Variants in ZNF396 observed in about 807,000 individuals in gnomAD.
ZNF396 encodes zinc finger and SCAN domain-containing protein 14.
A neutral mutation model predicts 20.5 loss-of-function variants in ZNF396; 14 were observed. The observed-to-expected ratio is 0.68, with a 90% CI of 0.45 to 1.07. The LOEUF is 1.07. Among genes scored for constraint, ZNF396 ranks in the 50% least tolerant of loss-of-function variants. The probability of loss-of-function intolerance (pLI) is 0.00; values close to 1 mark genes in which losing one functional copy is unlikely to be tolerated. For missense variants in ZNF396, 347 were observed against 390.1 expected (o/e 0.89, Z 0.93); for synonymous variants, 119 against 140.6 (o/e 0.85, Z 1.08).
chr18:35,373,685 G>C, intron 2 of ZNF396, 85 bp from the exon 3 acceptor site: 1 of 1,547,522 alleles, frequency 6.5e-7, no homozygotes, highest in Admixed American at 1.9e-5. Flanking sequence ...TATGCAAAAA[G>C]TATCATGGAC....
At position 35,368,649 on chromosome 18, in the gene ZNF396, G is replaced by A. The variant is rs1156930141; in HGVS notation, c.*566C>T. On this transcript the variant is annotated 3_prime_UTR_variant, in exon 4 of 4. Coordinates refer to ENST00000589332, the MANE Select transcript of ZNF396 (RefSeq NM_001322286.2). ...TGAATTTTAGTAGAGACGGGGTTTC[G>A]CCGTGTTGTCCAGGCTGGTCTTGAA... 12 of 663,942 alleles carry A rather than the reference G, an allele frequency of 1.8e-5. No homozygotes were observed. Among genetic ancestry groups the A allele is most frequent in the Admixed American group, 6.1e-5 (1 of 16,272 alleles). 41.1% of individuals were successfully genotyped at this position (663,942 alleles called of 1,614,324 possible).
intron 3 of ZNF396, among the ~76,000 whole-genome samples, chr18:35,370,811 C>T (rs1334826243): frequency 1.3e-5 from 2 of 152,164 alleles, no homozygotes; most frequent in Non-Finnish European, 2.9e-5. Context: ...CCGCGCCCGG[C>T]CCATGGTGGC....
Position 35,368,268 on chromosome 18 carries a change from A to T in ZNF396, c.*947T>A. The T allele has an allele frequency of 1.4e-6, 1 of 727,830 alleles. No homozygotes were observed. Among genetic ancestry groups the T allele is most frequent in the Non-Finnish European group, 2.1e-6 (1 of 483,094 alleles). 45.1% of individuals were successfully genotyped at this position (727,830 alleles called of 1,614,324 possible). A position where few individuals can be genotyped will look rare whatever the true frequency, so the allele number is the denominator to read the frequency against. ...ATTTCCAAATTACATTGCAAAGGAG[A>T]TTATTTTTTTCCAACACGGGAAATT... On this transcript the variant is annotated 3_prime_UTR_variant, in exon 4 of 4. Coordinates refer to ENST00000589332, the MANE Select transcript of ZNF396 (RefSeq NM_001322286.2).
At chr18:35,373,419 C>G (rs780305436) in intron 3 of ZNF396, 37 bp downstream of exon 3, 5 of 1,602,460 alleles carry the variant, frequency 3.1e-6, no homozygotes, top group Admixed American at 3.4e-5. Flanking sequence ...AGAGGGCCCC[C>G]ACACCTTCCA....
chr18:35,368,601 G>T lies in ZNF396; in HGVS notation c.*614C>A. The T allele has an allele frequency of 2.1e-6, 1 of 482,828 alleles. No homozygotes were observed. The highest frequency in any genetic ancestry group is 2.8e-6 in the Non-Finnish European group (1 of 361,508). 29.9% of individuals were successfully genotyped at this position (482,828 alleles called of 1,614,324 possible). Reference sequence around the variant, plus strand: ...CTAGTAGCTGGGATTACAGGTACACGTTGCCATGCCTGGCTAATTTTTTGA... The same window carrying T: ...CTAGTAGCTGGGATTACAGGTACACTTTGCCATGCCTGGCTAATTTTTTGA... On this transcript the variant is annotated 3_prime_UTR_variant, in exon 4 of 4. Transcript: ENST00000589332.
Position 35,368,482 on chromosome 18 carries a change from T to TTA in ZNF396, c.*732_*733insTA, listed in dbSNP as rs1555630343. ...AGACAAAATAGGAATTTATTTTTATTTTTATTTATTTATTTATTTATTTAT... is the reference window on the plus strand; with the variant it reads ...AGACAAAATAGGAATTTATTTTTATTTATTTATTTATTTATTTATTTATTTAT... On this transcript the variant is annotated 3_prime_UTR_variant, in exon 4 of 4. Transcript: ENST00000589332. 1 of 338,394 alleles carries TTA rather than the reference T, an allele frequency of 3.0e-6. No homozygotes were observed. 21.0% of individuals were successfully genotyped at this position (338,394 alleles called of 1,614,324 possible).
At position 35,368,698 on chromosome 18, in the gene ZNF396, T is replaced by C. The variant is rs1364125926; in HGVS notation, c.*517A>G. 17 of 952,552 alleles carry C rather than the reference T, an allele frequency of 1.8e-5. No homozygotes were observed. The highest frequency in any genetic ancestry group is 2.1e-5 in the Non-Finnish European group (17 of 799,606). The allele number at this position is 952,552 out of a possible 1,614,324, so 59.0% of individuals were successfully genotyped here. A position where few individuals can be genotyped will look rare whatever the true frequency, so the allele number is the denominator to read the frequency against. Reference sequence around the variant, plus strand: ...AACTCCTGAGTTCAGGCAATCTGCCTGCCTCGGCCTCCCAAAGTGCTAGGA... The same window carrying C: ...AACTCCTGAGTTCAGGCAATCTGCCCGCCTCGGCCTCCCAAAGTGCTAGGA... On this transcript the variant is annotated 3_prime_UTR_variant, in exon 4 of 4. Coordinates refer to ENST00000589332, the MANE Select transcript of ZNF396 (RefSeq NM_001322286.2).
chr18:35,369,736 T>C (rs1311264859), intron 3 of ZNF396, 76 bp from the exon 4 acceptor site: 2 of 1,392,410 alleles, frequency 1.4e-6, no homozygotes, highest in Non-Finnish European at 1.9e-6. Flanking sequence ...ATTGCTAGCA[T>C]GTTTATAAAA....
chr18:35,370,380 T>G (rs1190331133), intron 3 of ZNF396, among the ~76,000 whole-genome samples: 25 of 152,112 alleles, frequency 1.6e-4, no homozygotes, highest in Non-Finnish European at 4.4e-5. Context: ...CCTGGCTTGA[T>G]GCAGAGGGCC....
At position 35,374,078 on chromosome 18, in the gene ZNF396, C is replaced by T. The variant is rs141128029; in HGVS notation, c.215G>A (p.Arg72Gln). The change falls in exon 2 of 4, where the codon CGG becomes CAG. Residue 72 changes from arginine (R) to glutamine (Q), a missense_variant. By Grantham distance (43) the Arg-to-Gln change is conservative. Coordinates refer to ENST00000589332, the MANE Select transcript of ZNF396 (RefSeq NM_001322286.2). The surrounding 1 kb of genome is among the most constrained non-coding windows in gnomAD (Gnocchi z 4.3). Reference protein sequence around the residue: ...DSPGPHEALSRLWELCHLWLR... With the variant: ...DSPGPHEALSQLWELCHLWLR... ...CCAGAGATGACAAAGTTCCCAGAGC[C>T]GGCTCAGAGCCTCATGGGGCCCAGG... 38 of 1,614,224 alleles carry T rather than the reference C, an allele frequency of 2.4e-5. No individual in the cohort carries two copies. The highest frequency in any genetic ancestry group is 8.0e-5 in the African/African-American group (6 of 75,060).
At chr18:35,376,096 C>A (rs2045253596) in intron 1 of ZNF396, 2 of 152,154 alleles carry the variant, frequency 1.3e-5, no homozygotes, top group African/African-American at 4.8e-5. Flanking sequence ...TGTACAACTT[C>A]AGCAAATGAT....
At position 35,369,228 on chromosome 18, in the gene ZNF396, T is replaced by A; in HGVS notation, c.995A>T (p.Lys332Ile). ...CCCTCATGATACTTATGGGACTTTT[T>A]TTCTAATGTGTCTTTTCCTATGTCT... is the stretch of plus-strand genomic sequence containing the variant. ...LFRHRKRHIR[K>I]KVP Residue 332 changes from lysine (K) to isoleucine (I), a missense_variant, in exon 4 of 4, where the codon AAA becomes ATA. Physicochemically the swap from Lys to Ile is moderately radical, Grantham distance 102. Coordinates refer to ENST00000589332, the MANE Select transcript of ZNF396 (RefSeq NM_001322286.2). 1 of 1,579,436 alleles carries A rather than the reference T, an allele frequency of 6.3e-7. No homozygotes were observed. Among genetic ancestry groups the A allele is most frequent in the African/African-American group, 1.4e-5 (1 of 73,542 alleles).
chr18:35,372,039 C>T (rs569267047), intron 3 of ZNF396: 2 of 152,238 alleles, frequency 1.3e-5, no homozygotes, highest in Non-Finnish European at 2.9e-5. Flanking sequence ...CATGTTGTGG[C>T]CTTAAGAAAT....
Position 35,369,579 on chromosome 18 carries a change from G to T in ZNF396, c.644C>A (p.Ser215Tyr). Residue 215 changes from serine (S) to tyrosine (Y), a missense_variant, in exon 4 of 4, where the codon TCC becomes TAC. Physicochemically the swap from Ser to Tyr is moderately radical, Grantham distance 144. Coordinates refer to ENST00000589332, the MANE Select transcript of ZNF396 (RefSeq NM_001322286.2). Reference protein sequence around the residue: ...SLGIELHCNVSNILHMNGSQS... With the variant: ...SLGIELHCNVYNILHMNGSQS... ...GGAGCCATTCATATGAAGGATATTG[G>T]AAACATTGCAATGCAGTTCTATGCC... The T allele has an allele frequency of 6.2e-7, 1 of 1,614,196 alleles. No homozygotes were observed. Among genetic ancestry groups the T allele is most frequent in the Non-Finnish European group, 8.5e-7 (1 of 1,180,044 alleles).
chr18:35,368,596 T>C lies in ZNF396; in HGVS notation c.*619A>G. On this transcript the variant is annotated 3_prime_UTR_variant, in exon 4 of 4. Transcript: ENST00000589332. ...CCTCCCTAGTAGCTGGGATTACAGG[T>C]ACACGTTGCCATGCCTGGCTAATTT... 1 of 460,938 alleles carries C rather than the reference T, an allele frequency of 2.2e-6. No individual in the cohort carries two copies. Among genetic ancestry groups the C allele is most frequent in the Non-Finnish European group, 2.9e-6 (1 of 340,268 alleles). The allele number at this position is 460,938 out of a possible 1,614,324, so 28.6% of individuals were successfully genotyped here.
At chr18:35,369,698 G>T (rs769132525) in intron 3 of ZNF396, 38 bp from the exon 4 acceptor site, 1 of 1,542,312 alleles carries the variant, frequency 6.5e-7, no homozygotes, top group South Asian at 1.3e-5. Context: ...GAAAGAGAAA[G>T]GATGATCCAA....
At chr18:35,372,565 A>G (rs2045197247) in intron 3 of ZNF396, 1 of 152,222 alleles carries the variant, frequency 6.6e-6, no homozygotes, top group African/African-American at 2.4e-5. Context: ...GATGCTCCCA[A>G]GTAGGATTTC....
intron 3 of ZNF396, chr18:35,373,180 CT>C (rs2045206169): frequency 4.8e-6 from 2 of 418,858 alleles, no homozygotes; most frequent in Admixed American, 8.2e-5. Context: ...GCCTCAAGGG[CT>C]GCCTGAAGAT....
In ZNF396 at chr18:35,369,252, C is replaced by A. The variant is rs1335400492; in HGVS notation, c.971G>T (p.Arg324Ile). Residue 324 changes from arginine to isoleucine, a missense_variant, in exon 4 of 4, where the codon AGA becomes ATA. Physicochemically the swap from Arg to Ile is moderately conservative, Grantham distance 97. Transcript: ENST00000589332. The part of the protein sequence containing the change: ...KAFSQSSNLF[R>I]HRKRHIRKKV... ...TTTTCTAATGTGTCTTTTCCTATGTCTAAAAAGATTTGAGCTCTGACTAAA... is the reference window on the plus strand; with the variant it reads ...TTTTCTAATGTGTCTTTTCCTATGTATAAAAAGATTTGAGCTCTGACTAAA... 1.2e-5 allele frequency: 20 copies of A among 1,607,280 alleles called. No individual in the cohort carries two copies. The highest frequency in any genetic ancestry group is 1.7e-5 in the Non-Finnish European group (20 of 1,177,638).
Sources: gnomAD v4.1 joint callset for allele counts (sites outside exome capture counted in the v4.1 genomes callset) on GRCh38, gnomAD v4.1.1 for gene constraint, Gnocchi (gnomAD v3.1) non-coding constraint, MANE v1.5 for transcripts, NCBI Gene and HGNC (gene_info 2026-07-23, HGNC 2026-07-21) for gene names.